Variants in ZCWPW2 observed in about 807,000 individuals in gnomAD.
The protein encoded by ZCWPW2 is zinc finger CW-type and PWWP domain containing 2.
ZCWPW2 carries 45 observed loss-of-function variants against 46.6 expected under a neutral mutation model. The ratio of observed to expected loss-of-function variants is 0.96; its 90% CI spans 0.76 to 1.24. ZCWPW2 has a LOEUF of 1.24. Among genes scored for constraint, ZCWPW2 ranks in the 50% most tolerant of loss-of-function variants. ZCWPW2 has a pLI of 0.00. For synonymous variants in ZCWPW2, 152 were observed against 137.1 expected (o/e 1.11, Z -0.76); for missense variants, 429 against 403.9 (o/e 1.06, Z -0.53).
rs556455295 is a variant in ZCWPW2, at chr3:28,495,538, A to G, written c.657+3365A>G. 4.9e-4 allele frequency among the ~76,000 whole-genome samples: 74 copies of G among 152,156 alleles called. 1 individual carries two copies. Among genetic ancestry groups the G allele is most frequent in the Non-Finnish European group, 8.4e-4 (57 of 67,978 alleles). ...ATGGGCCAGATCTGACCTTTAAACT[A>G]TTTGTTGGTCTGCAATGAGATATGT... On this transcript the variant is annotated intron_variant, in intron 6 of 9. Coordinates refer to ENST00000383768, the MANE Select transcript of ZCWPW2 (RefSeq NM_001040432.4).
In ZCWPW2 at chr3:28,383,700, C is replaced by T. The variant is rs115562676; in HGVS notation, c.-133-6798C>T. On this transcript the variant is annotated intron_variant, in intron 1 of 9. Coordinates refer to ENST00000383768, the MANE Select transcript of ZCWPW2 (RefSeq NM_001040432.4). ...TGTTAGGTGATTAATGAATTCTGAA[C>T]GTGGACCTCTTCAATTCTAAAATTT... Among the ~76,000 whole-genome samples the T allele has an allele frequency of 6.8e-3, 1,036 of 152,070 alleles. 10 individuals carry two copies. Among genetic ancestry groups the T allele is most frequent in the African/African-American group, 0.023 (942 of 41,496 alleles).
At chr3:28,399,975 G>A (rs975615543) in intron 2 of ZCWPW2, among the ~76,000 whole-genome samples, 17 of 152,084 alleles carry the variant, frequency 1.1e-4, no homozygotes, top group African/African-American at 4.1e-4. Context: ...TAGTTATTAA[G>A]CTAATCAGGG....
At chr3:28,378,797 T>C (rs1705580075) in intron 1 of ZCWPW2, among the ~76,000 whole-genome samples, 1 of 152,152 alleles carries the variant, frequency 6.6e-6, no homozygotes, top group Non-Finnish European at 1.5e-5. Flanking sequence ...ATTTAGATGC[T>C]AGGGATAAAG....
chr3:28,422,096 G>A (rs1160792644), intron 3 of ZCWPW2, among the ~76,000 whole-genome samples: 3 of 151,886 alleles, frequency 2.0e-5, no homozygotes, highest in Non-Finnish European at 2.9e-5. Flanking sequence ...GGAAAGTATG[G>A]AGAGTTTCCG....
At chr3:28,489,547 G>T (rs968963590) in intron 5 of ZCWPW2, among the ~76,000 whole-genome samples, 3 of 151,802 alleles carry the variant, frequency 2.0e-5, no homozygotes, top group Admixed American at 6.6e-5. Context: ...ATAGAAGAAT[G>T]GTGGAGTCAC....
At chr3:28,426,200 A>G (rs555115044) in intron 3 of ZCWPW2, among the ~76,000 whole-genome samples, 68 of 152,038 alleles carry the variant, frequency 4.5e-4, no homozygotes, top group African/African-American at 1.5e-3. Context: ...AAACATCTGT[A>G]TGTACCAGAA....
At chr3:28,387,822 T>G (rs545924745) in intron 1 of ZCWPW2, among the ~76,000 whole-genome samples, 1 of 152,316 alleles carries the variant, frequency 6.6e-6, no homozygotes, top group Non-Finnish European at 1.5e-5. Flanking sequence ...AACCAAAAAC[T>G]TAGTAACACC....
chr3:28,434,501 T>G (rs1459947547), intron 3 of ZCWPW2, among the ~76,000 whole-genome samples: 1 of 152,210 alleles, frequency 6.6e-6, no homozygotes, highest in East Asian at 1.9e-4. Context: ...AGAATAAATT[T>G]TATTTTCAAT....
intron 4 of ZCWPW2, among the ~76,000 whole-genome samples, chr3:28,443,391 T>C (rs1575141239): frequency 6.6e-6 from 1 of 152,252 alleles, no homozygotes; most frequent in Middle Eastern, 3.4e-3. Context: ...TGGTTCTGGG[T>C]CTGTAAACTG....
At chr3:28,395,849 T>A (rs954630711) in intron 2 of ZCWPW2, among the ~76,000 whole-genome samples, 2 of 152,152 alleles carry the variant, frequency 1.3e-5, no homozygotes, top group African/African-American at 2.4e-5. Flanking sequence ...CTATATTTAA[T>A]AATATATACT....
In ZCWPW2 at chr3:28,380,002, A is replaced by T. The variant is rs554616796; in HGVS notation, c.-133-10496A>T. Among the ~76,000 whole-genome samples the T allele has an allele frequency of 3.3e-5, 5 of 151,844 alleles. No homozygotes were observed. The South Asian group carries it at 1.0e-3, about 32-fold the overall frequency. On this transcript the variant is annotated intron_variant, in intron 1 of 9. Coordinates refer to ENST00000383768, the MANE Select transcript of ZCWPW2 (RefSeq NM_001040432.4). The stretch of plus-strand genomic sequence containing the variant: ...TATTTTTTTAGTTTATGTATTTTTG[A>T]GATGGAGTCTAGCTCTGTCGCTCAG...
intron 4 of ZCWPW2, among the ~76,000 whole-genome samples, chr3:28,436,097 A>G (rs1477356863): frequency 1.3e-5 from 2 of 152,124 alleles, no homozygotes; most frequent in Middle Eastern, 3.2e-3. Flanking sequence ...CGATTTTGCT[A>G]TTACTTTTGC....
chr3:28,369,079 TC>T (rs1292692569), intron 1 of ZCWPW2, among the ~76,000 whole-genome samples: 1 of 152,164 alleles, frequency 6.6e-6, no homozygotes, highest in Non-Finnish European at 1.5e-5. Context: ...TTTCAAGGTT[TC>T]TAACTTCTTT....
rs1376314265 is a variant in ZCWPW2 at position 28,348,783 on chromosome 3, TTTC to T, written c.-549_-547del. The T allele has an allele frequency of 4.9e-6, 1 of 205,124 alleles. No individual in the cohort carries two copies. The highest frequency in any genetic ancestry group is 6.5e-5 in the Admixed American group (1 of 15,326). The allele number at this position is 205,124 out of a possible 1,614,324, so 12.7% of individuals were successfully genotyped here. On this transcript the variant is annotated 5_prime_UTR_variant, in exon 1 of 10. Coordinates refer to ENST00000383768, the MANE Select transcript of ZCWPW2 (RefSeq NM_001040432.4). ...CGGGCACGTCGCGGAGGGAGTCCCA[TTTC>T]TTCTGACTCGGCAGGAGCCCGGGAC...
chr3:28,523,218 C>T (rs1004434937), intron 9 of ZCWPW2, among the ~76,000 whole-genome samples: 1 of 152,066 alleles, frequency 6.6e-6, no homozygotes, highest in Admixed American at 6.6e-5. Context: ...AGGTGAGTGC[C>T]TCCTGGTTAC....
At chr3:28,461,489 ACCAG>A in intron 4 of ZCWPW2, 1 of 152,132 alleles carries the variant, frequency 6.6e-6, no homozygotes, top group Non-Finnish European at 1.5e-5. Flanking sequence ...TCACTGTAAT[ACCAG>A]GTGATCATTA....
rs578120133 is a variant in ZCWPW2 at position 28,484,518 on chromosome 3, T to C, written c.610+5587T>C. 2.0e-5 allele frequency among the ~76,000 whole-genome samples: 3 copies of C among 152,214 alleles called. No individual in the cohort carries two copies. In the South Asian group the frequency reaches 6.2e-4, roughly 32 times the overall value. On this transcript the variant is annotated intron_variant, in intron 5 of 9. Transcript: ENST00000383768. ...CGAAAATTTTAGCAGAGTGTCTCTT[T>C]CAAGAAATTGATCCATTTCATCTAG... is the stretch of plus-strand genomic sequence containing the variant.
intron 3 of ZCWPW2, chr3:28,428,088 A>G (rs763553476): frequency 6.6e-6 from 1 of 152,028 alleles, no homozygotes; most frequent in Non-Finnish European, 1.5e-5. Context: ...CAGTAATGTA[A>G]ATTTCCAATG....
At chr3:28,497,579 T>A (rs1476280003) in intron 6 of ZCWPW2, among the ~76,000 whole-genome samples, 1 of 152,136 alleles carries the variant, frequency 6.6e-6, no homozygotes, top group Non-Finnish European at 1.5e-5. Context: ...GGATCAAAGC[T>A]ACTCACAGTG....
Sources: allele counts gnomAD v4.1 joint callset (sites outside exome capture counted in the v4.1 genomes callset), GRCh38; gene constraint gnomAD v4.1.1; transcripts MANE v1.5; gene names NCBI Gene and HGNC (gene_info 2026-07-23, HGNC 2026-07-21).